Variants in TBX21 observed in about 807,000 individuals in gnomAD.
TBX21 encodes T-box transcription factor TBX21.
Under a neutral mutation model 52.2 loss-of-function variants are expected in TBX21, and 11 were observed. That is an observed-to-expected ratio of 0.21 (90% CI 0.13 to 0.35). The LOEUF (loss-of-function observed/expected upper bound fraction) is 0.35. TBX21 is among the 10% of genes least tolerant of loss of function. The pLI, the probability that TBX21 is intolerant of heterozygous loss-of-function variation, is 1.00. For missense variants in TBX21, 625 were observed against 755.1 expected, an observed-to-expected ratio of 0.83 and a Z score of 2.02; for synonymous variants, 300 against 316.1, an observed-to-expected ratio of 0.95 and a Z score of 0.54.
Position 47,733,727 on chromosome 17 carries a change from G to A in TBX21, c.273G>A (p.Glu91=). 1 of 1,439,152 alleles carries A rather than the reference G, an allele frequency of 6.9e-7. No individual in the cohort carries two copies. The highest frequency in any genetic ancestry group is 1.4e-5 in the South Asian group (1 of 69,290). The allele number at this position is 1,439,152 out of a possible 1,614,324, so 89.1% of individuals were successfully genotyped here. The change falls in exon 1 of 6, where the codon GAG becomes GAA. Residue 91 remains glutamate, a synonymous_variant. Transcript: ENST00000177694. This position sits in a 1 kb window ranked among gnomAD's most constrained non-coding sequence, Gnocchi z 6.6. ...CGGCCGGCTTCCCCGGCGCGGGCGA[G>A]TCCTTCCCGCCGCCCGCGGACGCCG... ...PQAAGFPGAG[E]SFPPPADAEG...
Position 47,734,078 on chromosome 17 carries a change from G to A in TBX21, c.491+133G>A, listed in dbSNP as rs111620479. The A allele has an allele frequency of 2.3e-3, 3,382 of 1,451,676 alleles. 10 individuals carry two copies. Among genetic ancestry groups the A allele is most frequent in the Non-Finnish European group, 3.0e-3 (3,174 of 1,060,210 alleles). The allele number at this position is 1,451,676 out of a possible 1,614,324, so 89.9% of individuals were successfully genotyped here. ...CTTTGGCTTCAGCGTAGGGAGACAG[G>A]GGAATGGGGTTGTTAGGAGGACAGG... On this transcript the variant is annotated intron_variant, in intron 1 of 5. Transcript: ENST00000177694.
chr17:47,742,156 G>C lies in TBX21; in HGVS notation c.492-454G>C, dbSNP rs890924944. On this transcript the variant is annotated intron_variant, in intron 1 of 5. Coordinates refer to ENST00000177694, the MANE Select transcript of TBX21 (RefSeq NM_013351.2). This position sits in a 1 kb window ranked among gnomAD's most constrained non-coding sequence, Gnocchi z 4.4. Reference sequence around the variant, plus strand: ...GCGATCTCAGCTCACTGTAACCTCTGCCTCCTGGGTTCAAGCCATTCTCCT... The same window carrying C: ...GCGATCTCAGCTCACTGTAACCTCTCCCTCCTGGGTTCAAGCCATTCTCCT... 6.6e-6 allele frequency among the ~76,000 whole-genome samples: 1 copy of C among 150,952 alleles called. No individual in the cohort carries two copies. Among genetic ancestry groups the C allele is most frequent in the Non-Finnish European group, 1.5e-5 (1 of 67,912 alleles).
rs1461859606 is a variant in TBX21, at chr17:47,745,076, C to T, written c.1318C>T (p.Pro440Ser). ...CTGGCCTGTGGCACCCCAGTACCCT[C>T]CCAAGATGGGCCCGGCCAGCTGGTT... Reference protein sequence around the residue: ...AGWPVAPQYPPKMGPASWFRP... With the variant: ...AGWPVAPQYPSKMGPASWFRP... The change falls in exon 6 of 6, where the codon CCC becomes TCC. Residue 440 changes from proline (P) to serine (S), a missense_variant. This residue lies in a region of TBX21 where 261 missense variants were observed against 275.1 expected (regional missense o/e 0.95). Transcript: ENST00000177694. 6.2e-7 allele frequency: 1 copy of T among 1,613,440 alleles called. No individual in the cohort carries two copies. The highest frequency in any genetic ancestry group is 1.3e-5 in the African/African-American group (1 of 74,958).
At position 47,733,745 on chromosome 17, in the gene TBX21, G is replaced by A; in HGVS notation, c.291G>A (p.Ala97=). The A allele has an allele frequency of 6.9e-7, 1 of 1,444,076 alleles. No individual in the cohort carries two copies. The highest frequency in any genetic ancestry group is 9.1e-7 in the Non-Finnish European group (1 of 1,102,896). The allele number at this position is 1,444,076 out of a possible 1,614,324, so 89.5% of individuals were successfully genotyped here. A position where few individuals can be genotyped will look rare whatever the true frequency, so the allele number is the denominator to read the frequency against. ...PGAGESFPPP[A]DAEGYQPGEG... ...CGGGCGAGTCCTTCCCGCCGCCCGC[G>A]GACGCCGAGGGCTACCAGCCGGGCG... Residue 97 remains alanine, a synonymous_variant, in exon 1 of 6, where the codon GCG becomes GCA. Coordinates refer to ENST00000177694, the MANE Select transcript of TBX21 (RefSeq NM_013351.2). This position sits in a 1 kb window ranked among gnomAD's most constrained non-coding sequence, Gnocchi z 6.6.
intron 1 of TBX21, among the ~76,000 whole-genome samples, chr17:47,735,664 G>T (rs941722337): frequency 6.6e-6 from 1 of 152,152 alleles, no homozygotes; most frequent in African/African-American, 2.4e-5. Flanking sequence ...AGCCACCCAC[G>T]CTCTCTGAAG....
At chr17:47,738,604 A>ATT (rs201288149) in intron 1 of TBX21, among the ~76,000 whole-genome samples, 3,139 of 141,650 alleles carry the variant, frequency 0.022, 104 homozygotes, top group African/African-American at 0.075. Flanking sequence ...ATATTATCAC[A>ATT]TTTTTTTTTT....
At position 47,745,137 on chromosome 17, in the gene TBX21, C is replaced by G; in HGVS notation, c.1379C>G (p.Pro460Arg). 2 of 1,614,220 alleles carry G rather than the reference C, an allele frequency of 1.2e-6. No individual in the cohort carries two copies. The highest frequency in any genetic ancestry group is 2.2e-5 in the South Asian group (2 of 91,084). ...CGGACTCTGCCCATGGAACCCGGCC[C>G]TGGAGGCTCAGAGGGACGGGGACCA... is the stretch of plus-strand genomic sequence containing the variant. Reference protein sequence around the residue: ...PMRTLPMEPGPGGSEGRGPED... With the variant: ...PMRTLPMEPGRGGSEGRGPED... The change falls in exon 6 of 6, where the codon CCT becomes CGT. Residue 460 changes from proline to arginine, a missense_variant. Physicochemically the swap from Pro to Arg is moderately radical, Grantham distance 103 (BLOSUM62 -2). Transcript: ENST00000177694.
intron 1 of TBX21, among the ~76,000 whole-genome samples, chr17:47,740,320 G>C (rs189939615): frequency 9.2e-5 from 14 of 151,952 alleles, no homozygotes; most frequent in Admixed American, 2.0e-4. Context: ...CACCCTCCTC[G>C]GCCTCACAAA....
At position 47,744,330 on chromosome 17, in the gene TBX21, G is replaced by A; in HGVS notation, c.904G>A (p.Val302Met). The A allele has an allele frequency of 6.2e-7, 1 of 1,614,200 alleles. No homozygotes were observed. The highest frequency in any genetic ancestry group is 8.5e-7 in the Non-Finnish European group (1 of 1,180,038). The change falls in exon 4 of 6, where the codon GTG (valine) becomes ATG (methionine). Residue 302 changes from valine to methionine, a missense_variant. Transcript: ENST00000177694. ...TTTCCAAGAAACCCAGTTCATTGCC[G>A]TGACTGCCTACCAGAATGCCGAGGT... is the stretch of plus-strand genomic sequence containing the variant. ...FTFQETQFIA[V>M]TAYQNAEITQ...
At position 47,743,138 on chromosome 17, in the gene TBX21, A is replaced by G. The variant is rs931152167; in HGVS notation, c.714A>G (p.Ser238=). 1.6e-5 allele frequency: 26 copies of G among 1,614,054 alleles called. No homozygotes were observed. Among genetic ancestry groups the G allele is most frequent in the Non-Finnish European group, 1.7e-5 (20 of 1,180,042 alleles). ...CGCACTGGATGCGCCAGGAAGTTTC[A>G]TTTGGGAAACTAAAGCTCACAAACA... ...TGAHWMRQEV[S]FGKLKLTNNK... Residue 238 remains serine, a synonymous_variant, in exon 3 of 6, where the codon TCA becomes TCG. Coordinates refer to ENST00000177694, the MANE Select transcript of TBX21 (RefSeq NM_013351.2).
Position 47,733,782 on chromosome 17 carries a change from G to A in TBX21, c.328G>A (p.Ala110Thr), listed in dbSNP as rs755733670. The change falls in exon 1 of 6, where the codon GCC (alanine) becomes ACC (threonine). Residue 110 changes from alanine (A) to threonine (T), a missense_variant. Physicochemically the swap from Ala to Thr is moderately conservative, Grantham distance 58. Around this residue, in one of 4 missense-constraint regions of TBX21, gnomAD observed 221 missense variants for 204.9 expected, o/e 1.08. Coordinates refer to ENST00000177694, the MANE Select transcript of TBX21 (RefSeq NM_013351.2). This position sits in a 1 kb window ranked among gnomAD's most constrained non-coding sequence, Gnocchi z 6.6. ...CTACCAGCCGGGCGAGGGCTACGCC[G>A]CCCCGGACCCGCGCGCCGGGCTCTA... The part of the protein sequence containing the change: ...EGYQPGEGYA[A>T]PDPRAGLYPG... 3 of 1,547,740 alleles carry A rather than the reference G, an allele frequency of 1.9e-6. No homozygotes were observed. Among genetic ancestry groups the A allele is most frequent in the Admixed American group, 2.0e-5 (1 of 49,712 alleles).
Position 47,734,731 on chromosome 17 carries a change from T to C in TBX21, c.491+786T>C, listed in dbSNP as rs772201321. Among the ~76,000 whole-genome samples, 11 of 151,762 alleles carry C rather than the reference T, an allele frequency of 7.2e-5. No individual in the cohort carries two copies. The East Asian group carries it at 1.4e-3, about 19-fold the overall frequency. ...ATGAAGCTCACCCAGGGGTCCAGCC[T>C]GGTAGCCAGCCCCACACTGCACCCT... On this transcript the variant is annotated intron_variant, in intron 1 of 5. Transcript: ENST00000177694.
intron 1 of TBX21, among the ~76,000 whole-genome samples, chr17:47,734,597 G>A (rs867260264): frequency 9.6e-4 from 130 of 135,610 alleles, no homozygotes; most frequent in African/African-American, 1.3e-3. Context: ...GTGTGTGTGT[G>A]TGTGTGTGTG....
chr17:47,743,488 A>T (rs1342772679), intron 3 of TBX21, among the ~76,000 whole-genome samples: 1 of 152,162 alleles, frequency 6.6e-6, no homozygotes, highest in African/African-American at 2.4e-5. Context: ...TCACCAAATC[A>T]TGGGTTGCCA....
intron 1 of TBX21, among the ~76,000 whole-genome samples, chr17:47,737,520 A>G: frequency 6.6e-6 from 1 of 151,770 alleles, no homozygotes. Flanking sequence ...TTTTGTCTCC[A>G]CTTTCCCAAC....
At chr17:47,744,685 G>A in intron 5 of TBX21, 63 bp from the exon 6 acceptor site, 1 of 1,597,098 alleles carries the variant, frequency 6.3e-7, no homozygotes, top group Non-Finnish European at 8.5e-7. Context: ...GTGTGAAACA[G>A]GTAGGCTCAC....
At chr17:47,734,128 C>A (rs2032175919) in intron 1 of TBX21, among the ~76,000 whole-genome samples, 183 bp downstream of exon 1, 2 of 152,156 alleles carry the variant, frequency 1.3e-5, no homozygotes, top group Non-Finnish European at 2.9e-5. Flanking sequence ...GGCGTCTGTG[C>A]CCAGGCTGTT....
intron 5 of TBX21, 53 bp from the exon 6 acceptor site, chr17:47,744,695 C>G: frequency 6.3e-7 from 1 of 1,597,972 alleles, no homozygotes; most frequent in East Asian, 2.2e-5. Flanking sequence ...GGTAGGCTCA[C>G]AGGTGACTGG....
At chr17:47,743,289 A>G in intron 3 of TBX21, 97 bp downstream of exon 3, 1 of 1,492,982 alleles carries the variant, frequency 6.7e-7, no homozygotes, top group East Asian at 2.4e-5. Flanking sequence ...AGTTTGGTTC[A>G]TTTTTTCTTC....
Sources: allele counts gnomAD v4.1 joint callset (sites outside exome capture counted in the v4.1 genomes callset), GRCh38; gene constraint gnomAD v4.1.1; regional missense constraint gnomAD v4.1.1; non-coding constraint Gnocchi (gnomAD v3.1); transcripts MANE v1.5; gene names NCBI Gene and HGNC (gene_info 2026-07-23, HGNC 2026-07-21).